LINGO1: variants seen among roughly 807,000 people sequenced by gnomAD.
LINGO1 encodes leucine rich repeat and Ig domain containing 1.
In LINGO1, 11 loss-of-function variants were observed where a neutral mutation model predicts 37.3. That is an observed-to-expected ratio of 0.29 (90% CI 0.19 to 0.49). LINGO1 has a LOEUF of 0.49. Among genes scored for constraint, LINGO1 ranks in the 20% least tolerant of loss-of-function variants. The pLI is 0.99. For missense variants in LINGO1, 585 were observed against 878.2 expected (o/e 0.67, Z 4.22); for synonymous variants, 387 against 403.0 (o/e 0.96, Z 0.48).
intron 1 of LINGO1, among the ~76,000 whole-genome samples, chr15:77,740,900 C>T (rs2076256942): frequency 6.6e-6 from 1 of 152,202 alleles, no homozygotes; most frequent in Admixed American, 6.5e-5. Context: ...CTATGCGGCC[C>T]GGCAACAGTG....
intron 1 of LINGO1, among the ~76,000 whole-genome samples, chr15:77,695,450 C>T (rs1325310267): frequency 2.6e-5 from 4 of 152,204 alleles, no homozygotes; most frequent in East Asian, 1.9e-4. Flanking sequence ...ACGCAAGGCC[C>T]GCAAGGCCAC....
At chr15:77,796,647 T>TG (rs1020625404) in intron 1 of LINGO1, among the ~76,000 whole-genome samples, 5 of 150,980 alleles carry the variant, frequency 3.3e-5, no homozygotes, top group African/African-American at 1.2e-4. Context: ...GTGCCTCCCT[T>TG]GGGCCTGAGC....
chr15:77,699,244 C>A (rs1705794916), upstream of LINGO1, among the ~76,000 whole-genome samples: 1 of 151,496 alleles, frequency 6.6e-6, no homozygotes, highest in African/African-American at 2.4e-5. Context: ...TCCAACCTCA[C>A]CGATGGTCAG....
chr15:77,742,095 G>A (rs2076270283), intron 1 of LINGO1, among the ~76,000 whole-genome samples: 1 of 152,230 alleles, frequency 6.6e-6, no homozygotes, highest in Non-Finnish European at 1.5e-5. Context: ...GCCAGGCACT[G>A]GTAAGATGAG....
intron 1 of LINGO1, among the ~76,000 whole-genome samples, chr15:77,743,260 G>A (rs1008024150): frequency 6.6e-6 from 1 of 152,084 alleles, no homozygotes; most frequent in Non-Finnish European, 1.5e-5. Context: ...CACCTTCACC[G>A]GGAACCCACT....
rs1429450920 is a variant in LINGO1 at position 77,614,822 on chromosome 15, T to A, written c.1085A>T (p.Glu362Val). 1 of 1,612,272 alleles carries A rather than the reference T, an allele frequency of 6.2e-7. No individual in the cohort carries two copies. The highest frequency in any genetic ancestry group is 2.2e-5 in the East Asian group (1 of 44,794). ...CGGGTTGGAGTCCAGGATGAGTGTCTCCAGGTTGCCCACCGAGTGGAAGAC... is the reference window on the plus strand; with the variant it reads ...CGGGTTGGAGTCCAGGATGAGTGTCACCAGGTTGCCCACCGAGTGGAAGAC... ...ESVFHSVGNLETLILDSNPLA... is the reference protein window; with the variant it reads ...ESVFHSVGNLVTLILDSNPLA... Residue 362 changes from glutamate (E) to valine (V), a missense_variant, in exon 2 of 2, where the codon GAG (glutamate) becomes GTG (valine). Glu to Val is a moderately radical substitution (Grantham distance 121, BLOSUM62 -2). Around this residue, in one of 4 missense-constraint regions of LINGO1, gnomAD observed 484 missense variants for 735.0 expected, o/e 0.66. Coordinates refer to ENST00000355300, the MANE Select transcript of LINGO1 (RefSeq NM_032808.7).
At chr15:77,642,341 G>T (rs1359321488) in intron 3 of LINGO1, among the ~76,000 whole-genome samples, 1 of 152,244 alleles carries the variant, frequency 6.6e-6, no homozygotes, top group Admixed American at 6.5e-5. Context: ...ACAGAGGCAG[G>T]CCTCTCGAGT....
intron 1 of LINGO1, among the ~76,000 whole-genome samples, chr15:77,623,204 C>T (rs555019938): frequency 7.8e-4 from 119 of 152,304 alleles, no homozygotes; most frequent in African/African-American, 2.8e-3. Context: ...TGAGCTCAGG[C>T]TGAAATACAA....
chr15:77,641,089 C>T (rs962973575), intron 3 of LINGO1, among the ~76,000 whole-genome samples: 1 of 152,200 alleles, frequency 6.6e-6, no homozygotes, highest in African/African-American at 2.4e-5. Flanking sequence ...GTGCTCCAGG[C>T]AGAACAGCAG....
intron 2 of LINGO1, among the ~76,000 whole-genome samples, chr15:77,705,851 G>A (rs961014486): frequency 3.9e-5 from 6 of 152,126 alleles, no homozygotes; most frequent in Non-Finnish European, 7.4e-5. Flanking sequence ...AGACCACCAC[G>A]GTCACAATGG....
At chr15:77,794,078 G>A (rs1462904851) in intron 2 of LINGO1, among the ~76,000 whole-genome samples, 2 of 152,050 alleles carry the variant, frequency 1.3e-5, no homozygotes, top group Non-Finnish European at 2.9e-5. Context: ...GGGCTGTGGT[G>A]CCTGTGGGTG....
chr15:77,699,190 C>T (rs1177586777), upstream of LINGO1, among the ~76,000 whole-genome samples: 4 of 151,870 alleles, frequency 2.6e-5, no homozygotes, highest in African/African-American at 7.3e-5. Context: ...GTAGTCCCCT[C>T]GTTTCCCTGG....
At chr15:77,646,443 G>A (rs553059446) in intron 3 of LINGO1, 21 of 455,814 alleles carry the variant, frequency 4.6e-5, no homozygotes, top group Non-Finnish European at 8.4e-5. Context: ...GGCGAGAAGA[G>A]GGAGGAGACA....
At chr15:77,767,094 T>G (rs1237439315) in intron 1 of LINGO1, among the ~76,000 whole-genome samples, 1 of 152,102 alleles carries the variant, frequency 6.6e-6, no homozygotes, top group Admixed American at 6.6e-5. Flanking sequence ...ATTCAAAAAC[T>G]TTTCCAGAGC....
intron 3 of LINGO1, among the ~76,000 whole-genome samples, chr15:77,664,966 C>G (rs1324090588): frequency 3.9e-5 from 6 of 152,190 alleles, no homozygotes; most frequent in Non-Finnish European, 8.8e-5. Flanking sequence ...ATACAGAGAT[C>G]TGCATGTGCA....
chr15:77,688,866 A>G (rs745497730), intron 2 of LINGO1, among the ~76,000 whole-genome samples: 5 of 152,234 alleles, frequency 3.3e-5, no homozygotes, highest in African/African-American at 4.8e-5. Context: ...CAAACCAACT[A>G]TGAGCTTCCT....
chr15:77,761,831 T>C (rs927251548), intron 1 of LINGO1, among the ~76,000 whole-genome samples: 17 of 152,224 alleles, frequency 1.1e-4, no homozygotes, highest in East Asian at 3.9e-4. Flanking sequence ...AAGGAGCTCA[T>C]TGAGGCCCTG....
chr15:77,617,908 G>A (rs965505901), intron 1 of LINGO1, among the ~76,000 whole-genome samples: 17 of 152,092 alleles, frequency 1.1e-4, no homozygotes, highest in Admixed American at 5.2e-4. Context: ...ATCCCCAAGG[G>A]CTTTGTCCAC....
intron 1 of LINGO1, among the ~76,000 whole-genome samples, chr15:77,817,138 C>A (rs1465496352): frequency 6.6e-6 from 1 of 152,200 alleles, no homozygotes; most frequent in African/African-American, 2.4e-5. Context: ...AGCCCCACCC[C>A]CAGTGGTAAC....
Sources: gnomAD v4.1 joint callset for allele counts (sites outside exome capture counted in the v4.1 genomes callset) on GRCh38, gnomAD v4.1.1 for gene constraint, gnomAD v4.1.1 regional missense constraint, MANE v1.5 for transcripts, NCBI Gene and HGNC (gene_info 2026-07-23, HGNC 2026-07-21) for gene names.